PLXNA2: variants seen among roughly 807,000 people sequenced by gnomAD.
PLXNA2 encodes plexin-A2.
A neutral mutation model predicts 193.5 loss-of-function variants in PLXNA2; 91 were observed. That is an observed-to-expected ratio of 0.47 (90% CI 0.40 to 0.56). The LOEUF is 0.56. PLXNA2 is among the 20% of genes least tolerant of loss of function. The pLI is 0.00. For missense variants in PLXNA2, 1,995 were observed against 2,503.2 expected (o/e 0.80, Z 4.33); for synonymous variants, 997 against 1,027.3 (o/e 0.97, Z 0.56).
chr1:208,043,125 C>A lies in PLXNA2; in HGVS notation c.3953G>T (p.Arg1318Leu). Residue 1318 changes from arginine (R) to leucine (L), a missense_variant, in exon 21 of 32, where the codon CGT (arginine) becomes CTT (leucine). This residue lies in a region of PLXNA2 where 1,291 missense variants were observed against 1,673.6 expected (regional missense o/e 0.77). Coordinates refer to ENST00000367033, the MANE Select transcript of PLXNA2 (RefSeq NM_025179.4). Reference protein sequence around the residue: ...DRSGIPYLDYRTYAMRVLFPG... With the variant: ...DRSGIPYLDYLTYAMRVLFPG... ...GAACAGGACTCGCATAGCGTAGGTA[C>A]GATAGTCCAGGTAAGGGATTCCTGA... is the stretch of plus-strand genomic sequence containing the variant. 6.2e-7 allele frequency: 1 copy of A among 1,614,124 alleles called. No homozygotes were observed. The highest frequency in any genetic ancestry group is 8.5e-7 in the Non-Finnish European group (1 of 1,179,996).
chr1:208,033,403 G>A lies in PLXNA2; in HGVS notation c.4971C>T (p.Asn1657=), dbSNP rs1664566828. The change falls in exon 28 of 32, where the codon AAC becomes AAT. Residue 1657 remains asparagine (N), a synonymous_variant. Transcript: ENST00000367033. ...SGVKVWHLVK[N]HDHGDQKEGD... ...CCTCCTTCTGGTCACCGTGGTCATG[G>A]TTCTTCACCAGATGCCACACCTTGA... 2 of 1,614,168 alleles carry A rather than the reference G, an allele frequency of 1.2e-6. No homozygotes were observed. The highest frequency in any genetic ancestry group is 1.7e-6 in the Non-Finnish European group (2 of 1,180,008).
At chr1:208,157,712 G>C (rs959114927) in intron 3 of PLXNA2, among the ~76,000 whole-genome samples, 1 of 152,192 alleles carries the variant, frequency 6.6e-6, no homozygotes, top group African/African-American at 2.4e-5. Flanking sequence ...TCAAGTTCTG[G>C]GTATTTGAGA....
rs1420895609 is a variant in PLXNA2, at chr1:208,024,941, A to G, written c.*2302T>C. 6.6e-6 allele frequency: 1 copy of G among 152,438 alleles called. No individual in the cohort carries two copies. 9.4% of individuals were successfully genotyped at this position (152,438 alleles called of 1,614,324 possible). ...CTATATCTCCTTTCCTTTTATCTCCATAAATTATGGGCTCTGCGCTGATAA... is the reference window on the plus strand; with the variant it reads ...CTATATCTCCTTTCCTTTTATCTCCGTAAATTATGGGCTCTGCGCTGATAA... On this transcript the variant is annotated 3_prime_UTR_variant, in exon 32 of 32. Coordinates refer to ENST00000367033, the MANE Select transcript of PLXNA2 (RefSeq NM_025179.4).
intron 15 of PLXNA2, 31 bp from the exon 16 acceptor site, chr1:208,051,454 G>T: frequency 6.3e-7 from 1 of 1,593,398 alleles, no homozygotes; most frequent in Non-Finnish European, 8.5e-7. Context: ...GGGTTGAGAA[G>T]AAAGGCATGG....
intron 4 of PLXNA2, among the ~76,000 whole-genome samples, chr1:208,122,611 G>T (rs560921209): frequency 1.3e-5 from 2 of 152,020 alleles, no homozygotes; most frequent in Non-Finnish European, 2.9e-5. Context: ...GCTTCCTAGG[G>T]TTAAGGAAAG....
At chr1:208,144,566 G>T (rs961103288) in intron 3 of PLXNA2, among the ~76,000 whole-genome samples, 1 of 152,174 alleles carries the variant, frequency 6.6e-6, no homozygotes, top group Admixed American at 6.5e-5. Flanking sequence ...GAAAATGGTA[G>T]GTCAGGGTCT....
At chr1:208,124,895 G>C (rs1667925652) in intron 4 of PLXNA2, among the ~76,000 whole-genome samples, 1 of 152,146 alleles carries the variant, frequency 6.6e-6, no homozygotes, top group Non-Finnish European at 1.5e-5. Flanking sequence ...AGGCACGGCA[G>C]TAATGGTATA....
intron 17 of PLXNA2, 28 bp downstream of exon 17, chr1:208,050,981 A>C: frequency 6.5e-7 from 1 of 1,533,474 alleles, no homozygotes; most frequent in Non-Finnish European, 9.0e-7. Flanking sequence ...TGTTTACCAA[A>C]GGCTGGGGCA....
At chr1:208,195,952 T>A (rs1366070320) in intron 3 of PLXNA2, among the ~76,000 whole-genome samples, 2 of 144,670 alleles carry the variant, frequency 1.4e-5, no homozygotes, top group Non-Finnish European at 3.0e-5. Context: ...CGGGAAAGAC[T>A]GAAGGTACAA....
chr1:208,091,594 C>T (rs1049644863), intron 9 of PLXNA2, among the ~76,000 whole-genome samples: 14 of 152,118 alleles, frequency 9.2e-5, no homozygotes, highest in African/African-American at 2.7e-4. Context: ...TATAGTAGGC[C>T]GGGCGGAGTG....
intron 22 of PLXNA2, among the ~76,000 whole-genome samples, chr1:208,041,349 C>A (rs1177451660): frequency 6.6e-6 from 1 of 152,126 alleles, no homozygotes; most frequent in East Asian, 1.9e-4. Context: ...CGGCTCCCCA[C>A]GGCCTCTAGA....
At position 208,165,671 on chromosome 1, in the gene PLXNA2, A is replaced by G. The variant is rs539415813; in HGVS notation, c.1372-23208T>C. On this transcript the variant is annotated intron_variant, in intron 3 of 31. Coordinates refer to ENST00000367033, the MANE Select transcript of PLXNA2 (RefSeq NM_025179.4). Reference sequence around the variant, plus strand: ...CCCTATGTGGTCTGGGGCTGGTCCAACCCTAAGCTGGTCTTGGGGTCCCTG... The same window carrying G: ...CCCTATGTGGTCTGGGGCTGGTCCAGCCCTAAGCTGGTCTTGGGGTCCCTG... 5.3e-5 allele frequency among the ~76,000 whole-genome samples: 8 copies of G among 152,076 alleles called. No homozygotes were observed. In the East Asian group the frequency reaches 5.8e-4, roughly 11 times the overall value.
chr1:208,072,727 C>G (rs1242798838), intron 12 of PLXNA2, among the ~76,000 whole-genome samples: 7 of 152,184 alleles, frequency 4.6e-5, no homozygotes, highest in African/African-American at 2.4e-5. Flanking sequence ...CTCACATGCC[C>G]CAATATCCCC....
rs201533157 is a variant in PLXNA2 at position 208,217,779 on chromosome 1, C to T, written c.144G>A (p.Trp48Ter). 3.7e-6 allele frequency: 6 copies of T among 1,614,050 alleles called. No homozygotes were observed. The highest frequency in any genetic ancestry group is 1.3e-5 in the African/African-American group (1 of 74,910). Residue 48 changes from tryptophan to a stop codon, truncating the protein, a stop_gained, in exon 2 of 32, where the codon TGG (tryptophan) becomes TGA (stop). Transcript: ENST00000367033. LOFTEE classifies it high-confidence loss of function. This position sits in a 1 kb window ranked among gnomAD's most constrained non-coding sequence, Gnocchi z 4.7. The part of the protein sequence containing the change: ...FSTFHSENRD[W>*]TFNHLTVHQG... The stretch of plus-strand genomic sequence containing the variant: ...GGTGGACGGTCAAGTGGTTGAAGGT[C>T]CAGTCACGATTCTCAGAGTGGAAGG...
At chr1:208,055,802 C>T (rs949061573) in intron 13 of PLXNA2, among the ~76,000 whole-genome samples, 2 of 152,256 alleles carry the variant, frequency 1.3e-5, no homozygotes, top group Non-Finnish European at 2.9e-5. Context: ...TGGCACGCCA[C>T]TGATCTCCAT....
intron 1 of PLXNA2, among the ~76,000 whole-genome samples, chr1:208,222,286 A>C (rs1458569278): frequency 6.6e-6 from 1 of 152,168 alleles, no homozygotes; most frequent in African/African-American, 2.4e-5. Context: ...CTCTCTGTTT[A>C]GTGCATGAAG....
At chr1:208,057,875 T>C (rs1273989354) in intron 13 of PLXNA2, among the ~76,000 whole-genome samples, 5 of 152,206 alleles carry the variant, frequency 3.3e-5, no homozygotes, top group Non-Finnish European at 1.5e-5. Flanking sequence ...TACCATTTAC[T>C]GGTTTGGACA....
At chr1:208,075,018 G>T (rs1666102506) in intron 12 of PLXNA2, among the ~76,000 whole-genome samples, 1 of 152,284 alleles carries the variant, frequency 6.6e-6, no homozygotes, top group African/African-American at 2.4e-5. Context: ...CTGAAGTAAA[G>T]AAAATGAGTT....
At chr1:208,097,169 C>T (rs1183422292) in intron 6 of PLXNA2, among the ~76,000 whole-genome samples, 2 of 152,150 alleles carry the variant, frequency 1.3e-5, no homozygotes, top group African/African-American at 4.8e-5. Flanking sequence ...GGGAAAGGTA[C>T]CAAAATCCAT....
Sources: gnomAD v4.1 joint callset for allele counts (sites outside exome capture counted in the v4.1 genomes callset) on GRCh38, gnomAD v4.1.1 for gene constraint, gnomAD v4.1.1 regional missense constraint, Gnocchi (gnomAD v3.1) non-coding constraint, MANE v1.5 for transcripts, NCBI Gene and HGNC (gene_info 2026-07-23, HGNC 2026-07-21) for gene names.